The following PGAP1 variants were observed in gnomAD, a reference collection of about 807,000 sequenced individuals.
The protein encoded by PGAP1 is post-GPI attachment to proteins inositol deacylase 1.
In PGAP1, 76 loss-of-function variants were observed where a neutral mutation model predicts 127.0. The observed-to-expected ratio is 0.60, with a 90% CI of 0.50 to 0.72. The LOEUF (loss-of-function observed/expected upper bound fraction) is 0.72, where lower values mean the gene tolerates loss of function less well. Among genes scored for constraint, PGAP1 ranks in the 30% least tolerant of loss-of-function variants. The probability of loss-of-function intolerance (pLI) is 0.00; values close to 1 mark genes in which losing one functional copy is unlikely to be tolerated. For missense variants in PGAP1, 982 were observed against 1,071.3 expected, an observed-to-expected ratio of 0.92 and a Z score of 1.16; for synonymous variants, 362 against 366.5, an observed-to-expected ratio of 0.99 and a Z score of 0.14.
intron 1 of PGAP1, among the ~76,000 whole-genome samples, chr2:196,924,009 G>A (rs775588485): frequency 6.6e-6 from 1 of 152,218 alleles, no homozygotes; most frequent in Non-Finnish European, 1.5e-5. Context: ...ATTTTGCCTA[G>A]TAGGCTTGAG....
intron 12 of PGAP1, among the ~76,000 whole-genome samples, chr2:196,881,893 G>T (rs969166117): frequency 2.6e-5 from 4 of 151,972 alleles, no homozygotes; most frequent in African/African-American, 9.7e-5. Flanking sequence ...GTCAATTTTT[G>T]CTTTTGGTAT....
chr2:196,895,158 G>A (rs1702231809), intron 7 of PGAP1, among the ~76,000 whole-genome samples: 1 of 151,858 alleles, frequency 6.6e-6, no homozygotes, highest in Non-Finnish European at 1.5e-5. Context: ...TTAGTAATAT[G>A]GTTATCAAAA....
intron 10 of PGAP1, among the ~76,000 whole-genome samples, chr2:196,887,530 G>A (rs1238597644): frequency 6.6e-6 from 1 of 152,192 alleles, no homozygotes; most frequent in African/African-American, 2.4e-5. Flanking sequence ...ATAAGAGGAT[G>A]AGAAGCACTG....
rs759085369 is a variant in PGAP1, at chr2:196,902,728, C to T, written c.664G>A (p.Val222Ile). The T allele has an allele frequency of 1.5e-5, 24 of 1,605,294 alleles. No individual in the cohort carries two copies. Among genetic ancestry groups the T allele is most frequent in the Non-Finnish European group, 2.0e-5 (24 of 1,175,968 alleles). The change falls in exon 5 of 27, where the codon GTA becomes ATA. Residue 222 changes from valine (V) to isoleucine (I), a missense_variant. By Grantham distance (29) the Val-to-Ile change is conservative (BLOSUM62 3). Coordinates refer to ENST00000354764, the MANE Select transcript of PGAP1 (RefSeq NM_024989.4). The part of the protein sequence containing the change: ...DRFITDFYTT[V>I]NNYWILNARH... The stretch of plus-strand genomic sequence containing the variant: ...GCATTTAGAATCCAATAGTTGTTTA[C>T]AGTCGTATAAAAATCTGGTGGGGAA...
intron 7 of PGAP1, among the ~76,000 whole-genome samples, chr2:196,893,631 G>C (rs1376148629): frequency 6.6e-6 from 1 of 152,162 alleles, no homozygotes; most frequent in African/African-American, 2.4e-5. Flanking sequence ...GAATTTTAGA[G>C]ATTCTCTGGT....
chr2:196,886,236 C>CT (rs1184254402), intron 10 of PGAP1, among the ~76,000 whole-genome samples: 16 of 148,892 alleles, frequency 1.1e-4, no homozygotes, highest in Non-Finnish European at 2.2e-4. Flanking sequence ...CCTTGGCTCA[C>CT]TGCAACCTCC....
At chr2:196,851,764 T>C (rs1476890587) in intron 20 of PGAP1, among the ~76,000 whole-genome samples, 1 of 152,168 alleles carries the variant, frequency 6.6e-6, no homozygotes, top group East Asian at 1.9e-4. Context: ...GTAGAACCTC[T>C]TGACTTTATT....
intron 5 of PGAP1, 99 bp downstream of exon 5, chr2:196,902,486 C>T (rs1200041947): frequency 3.9e-5 from 40 of 1,034,962 alleles, no homozygotes; most frequent in Non-Finnish European, 5.3e-5. Context: ...ACACCACTAA[C>T]TCAGCAGTCA....
rs1446359964 is a variant in PGAP1 at position 196,912,925 on chromosome 2, T to A, written c.606A>T (p.Thr202=). The change falls in exon 4 of 27, where the codon ACA becomes ACT. Residue 202 remains threonine, a synonymous_variant. Coordinates refer to ENST00000354764, the MANE Select transcript of PGAP1 (RefSeq NM_024989.4). ...ATGGCATCACAGGAGCAACATGAGG[T>A]GTGGCTTGTGTAATAAGAAGATTTA... ...DLINLLITQA[T]PHVAPVMPLD... 1.2e-6 allele frequency: 2 copies of A among 1,613,468 alleles called. No individual in the cohort carries two copies. The highest frequency in any genetic ancestry group is 1.7e-6 in the Non-Finnish European group (2 of 1,179,834).
intron 1 of PGAP1, among the ~76,000 whole-genome samples, chr2:196,926,080 AG>A (rs1316782060): frequency 6.6e-6 from 1 of 151,974 alleles, no homozygotes; most frequent in Non-Finnish European, 1.5e-5. Flanking sequence ...CAAGAACGCG[AG>A]AGGGATGGAG....
intron 23 of PGAP1, among the ~76,000 whole-genome samples, chr2:196,844,963 G>A (rs1162805473): frequency 1.3e-5 from 2 of 151,882 alleles, no homozygotes; most frequent in African/African-American, 4.8e-5. Context: ...ATAGTAAAAG[G>A]ATATAACACA....
intron 20 of PGAP1, among the ~76,000 whole-genome samples, chr2:196,861,634 G>A (rs1277996447): frequency 1.3e-5 from 2 of 152,138 alleles, no homozygotes; most frequent in African/African-American, 2.4e-5. Context: ...TCAGGAGTTT[G>A]AGACCAGCCT....
chr2:196,898,308 T>C lies in PGAP1; in HGVS notation c.860+9A>G. ...CTCATCAAAACAAGTTATACAAGTATTAACTTACCACACAATGGAGAGGTG... is the reference window on the plus strand; with the variant it reads ...CTCATCAAAACAAGTTATACAAGTACTAACTTACCACACAATGGAGAGGTG... On this transcript the variant is annotated intron_variant, in intron 6 of 26. Coordinates refer to ENST00000354764, the MANE Select transcript of PGAP1 (RefSeq NM_024989.4). 1 of 1,583,756 alleles carries C rather than the reference T, an allele frequency of 6.3e-7. No homozygotes were observed. The highest frequency in any genetic ancestry group is 2.2e-5 in the East Asian group (1 of 44,602).
chr2:196,898,903 C>A (rs140460250), intron 5 of PGAP1, among the ~76,000 whole-genome samples: 90 of 150,218 alleles, frequency 6.0e-4, no homozygotes, highest in Admixed American at 3.0e-3. Flanking sequence ...CTTTCCCAAG[C>A]GGGGTCCAGG....
At position 196,848,039 on chromosome 2, in the gene PGAP1, TG is replaced by T; in HGVS notation, c.1862-3del. The T allele has an allele frequency of 6.3e-7, 1 of 1,590,050 alleles. No homozygotes were observed. ...TGGTAGCATATTCTAAGCAACAACC[TG>T]GTGATTTAAAAAAAGTTACATGCAA... On this transcript the variant is annotated splice_polypyrimidine_tract_variant and splice_region_variant and intron_variant, in intron 20 of 26. Coordinates refer to ENST00000354764, the MANE Select transcript of PGAP1 (RefSeq NM_024989.4).
At chr2:196,917,149 T>C (rs906930722) in intron 2 of PGAP1, among the ~76,000 whole-genome samples, 11 of 152,202 alleles carry the variant, frequency 7.2e-5, no homozygotes, top group Non-Finnish European at 1.3e-4. Flanking sequence ...TCTGAACTAC[T>C]CTAACAGGTT....
At chr2:196,885,909 C>T in intron 10 of PGAP1, 29 bp from the exon 11 acceptor site, 2 of 1,343,724 alleles carry the variant, frequency 1.5e-6, no homozygotes, top group Non-Finnish European at 1.9e-6. Flanking sequence ...AAACAAAACA[C>T]ACTAAGTATT....
intron 20 of PGAP1, among the ~76,000 whole-genome samples, chr2:196,863,809 C>A (rs1026826512): frequency 6.6e-6 from 1 of 152,028 alleles, no homozygotes; most frequent in Non-Finnish European, 1.5e-5. Flanking sequence ...GAATTCCTGA[C>A]CTCAGGTGAT....
At position 196,898,022 on chromosome 2, in the gene PGAP1, G is replaced by A. The variant is rs60737538; in HGVS notation, c.860+295C>T. On this transcript the variant is annotated intron_variant, in intron 6 of 26. Coordinates refer to ENST00000354764, the MANE Select transcript of PGAP1 (RefSeq NM_024989.4). The stretch of plus-strand genomic sequence containing the variant: ...CACCTGAGGTCAGGAGTTTGAGACC[G>A]GCCTGGCCAGCATGGTGAAACCTCA... Among the ~76,000 whole-genome samples the A allele has an allele frequency of 0.1, 15,509 of 152,040 alleles. 956 individuals are homozygous for A. Among genetic ancestry groups the A allele is most frequent in the African/African-American group, 0.17 (7,166 of 41,472 alleles).
Sources: gnomAD v4.1 joint callset for allele counts (sites outside exome capture counted in the v4.1 genomes callset) on GRCh38, gnomAD v4.1.1 for gene constraint, MANE v1.5 for transcripts, NCBI Gene and HGNC (gene_info 2026-07-23, HGNC 2026-07-21) for gene names.